INTS9: variants seen among roughly 807,000 people sequenced by gnomAD.
The protein encoded by INTS9 is protein related to CPSF subunits of 74 kDa.
INTS9 carries 55 observed loss-of-function variants against 79.7 expected under a neutral mutation model. The observed-to-expected ratio is 0.69, with a 90% CI of 0.56 to 0.86. INTS9 has a LOEUF of 0.86. Among genes scored for constraint, INTS9 ranks in the 40% least tolerant of loss-of-function variants. INTS9 has a pLI of 0.00. For synonymous variants in INTS9, 319 were observed against 325.2 expected (o/e 0.98, Z 0.20); for missense variants, 721 against 831.5 (o/e 0.87, Z 1.64).
At chr8:28,869,399 T>G (rs1014856341) in intron 1 of INTS9, among the ~76,000 whole-genome samples, 2 of 152,164 alleles carry the variant, frequency 1.3e-5, no homozygotes, top group African/African-American at 4.8e-5. Context: ...TTGTAAACTT[T>G]TCTCTTCTCC....
rs565688456 is a variant in INTS9, at chr8:28,838,967, T to A, written c.262-1191A>T. Among the ~76,000 whole-genome samples, 4 of 152,328 alleles carry A rather than the reference T, an allele frequency of 2.6e-5. No homozygotes were observed. The South Asian group carries it at 8.3e-4, about 32-fold the overall frequency. On this transcript the variant is annotated intron_variant, in intron 4 of 16. Coordinates refer to ENST00000521022, the MANE Select transcript of INTS9 (RefSeq NM_018250.4). ...CTTCTGTTGAAGGAATGCAGCTTTA[T>A]TAGCAGCATGTTCTGGGAGAAGTGA...
chr8:28,835,570 G>C (rs1381838181), intron 5 of INTS9, among the ~76,000 whole-genome samples, 192 bp from the exon 6 acceptor site: 4 of 152,066 alleles, frequency 2.6e-5, no homozygotes, highest in Non-Finnish European at 5.9e-5. Context: ...CTTTCTTATT[G>C]CATTTCCATG....
chr8:28,838,072 G>A (rs1563287361), intron 4 of INTS9, among the ~76,000 whole-genome samples: 6 of 151,758 alleles, frequency 4.0e-5, no homozygotes, highest in Admixed American at 3.3e-4. Context: ...AGGACCCTTC[G>A]GCAGCTGCTG....
rs577543603 is a variant in INTS9 at position 28,783,813 on chromosome 8, T to A, written c.1099-2819A>T. Reference sequence around the variant, plus strand: ...TTTATAAACTATATGGCCAAAATCATTAGTTGTCTCAGTTAAATGGGTGAG... The same window carrying A: ...TTTATAAACTATATGGCCAAAATCAATAGTTGTCTCAGTTAAATGGGTGAG... On this transcript the variant is annotated intron_variant, in intron 11 of 16. Coordinates refer to ENST00000521022, the MANE Select transcript of INTS9 (RefSeq NM_018250.4). 2.0e-5 allele frequency: 3 copies of A among 152,280 alleles called. No individual in the cohort carries two copies. In the East Asian group the frequency reaches 5.8e-4, roughly 29 times the overall value. 9.4% of individuals were successfully genotyped at this position (152,280 alleles called of 1,614,324 possible).
intron 1 of INTS9, among the ~76,000 whole-genome samples, chr8:28,863,501 C>T (rs1808564161): frequency 6.6e-6 from 1 of 152,140 alleles, no homozygotes; most frequent in African/African-American, 2.4e-5. Context: ...GCAGCCTGGG[C>T]GTGGTAGCTC....
intron 6 of INTS9, among the ~76,000 whole-genome samples, chr8:28,828,541 C>T (rs73669456): frequency 6.6e-6 from 1 of 152,118 alleles, no homozygotes; most frequent in African/African-American, 2.4e-5. Flanking sequence ...GCCACAACTA[C>T]CAAGAAACAG....
chr8:28,797,219 T>C (rs924490936), intron 8 of INTS9, among the ~76,000 whole-genome samples: 1 of 152,218 alleles, frequency 6.6e-6, no homozygotes, highest in African/African-American at 2.4e-5. Context: ...GCATACGTTA[T>C]AGAATTTGAT....
chr8:28,800,570 G>A (rs1174103825), intron 8 of INTS9, among the ~76,000 whole-genome samples: 5 of 152,182 alleles, frequency 3.3e-5, no homozygotes, highest in African/African-American at 1.2e-4. Context: ...CAAACAGACA[G>A]AGAACATTTT....
At chr8:28,852,076 G>A (rs1165755670) in intron 2 of INTS9, among the ~76,000 whole-genome samples, 1 of 151,476 alleles carries the variant, frequency 6.6e-6, no homozygotes, top group Non-Finnish European at 1.5e-5. Context: ...AAAACTAGCA[G>A]GCTATGGTGG....
intron 10 of INTS9, among the ~76,000 whole-genome samples, chr8:28,790,451 C>T (rs1803859227): frequency 6.6e-6 from 1 of 152,136 alleles, no homozygotes; most frequent in Admixed American, 6.5e-5. Flanking sequence ...CCTCAGCCTC[C>T]CGAGTAGCTG....
intron 11 of INTS9, 79 bp from the exon 12 acceptor site, chr8:28,781,073 G>T: frequency 8.9e-7 from 1 of 1,121,138 alleles, no homozygotes; most frequent in Non-Finnish European, 1.3e-6. Flanking sequence ...GAGGGTGAGC[G>T]GGACTGGATC....
intron 5 of INTS9, among the ~76,000 whole-genome samples, chr8:28,836,349 CG>C (rs1345192434): frequency 6.6e-6 from 1 of 152,080 alleles, no homozygotes; most frequent in Admixed American, 6.6e-5. Context: ...CAGAGAACTG[CG>C]GGAATTCTTG....
intron 11 of INTS9, among the ~76,000 whole-genome samples, chr8:28,785,296 T>A (rs192673058): frequency 6.6e-6 from 1 of 152,250 alleles, no homozygotes; most frequent in Non-Finnish European, 1.5e-5. Flanking sequence ...TAGTTCTTCA[T>A]AACATTTTCA....
intron 1 of INTS9, among the ~76,000 whole-genome samples, chr8:28,882,906 T>C (rs1809974487): frequency 6.6e-6 from 1 of 152,210 alleles, no homozygotes; most frequent in Non-Finnish European, 1.5e-5. Flanking sequence ...CACAGTAAAG[T>C]TCCCACCACA....
intron 14 of INTS9, among the ~76,000 whole-genome samples, chr8:28,774,444 A>T (rs776280742): frequency 6.6e-6 from 1 of 152,260 alleles, no homozygotes; most frequent in Non-Finnish European, 1.5e-5. Context: ...GGTTTAAGGA[A>T]TGCTGGCTTA....
chr8:28,876,708 G>A (rs1291301505), intron 1 of INTS9, among the ~76,000 whole-genome samples: 1 of 151,954 alleles, frequency 6.6e-6, no homozygotes. Flanking sequence ...AATCTGCAAA[G>A]TTATGCACCT....
intron 4 of INTS9, among the ~76,000 whole-genome samples, chr8:28,839,363 G>C (rs1411372123): frequency 6.6e-6 from 1 of 151,788 alleles, no homozygotes; most frequent in Non-Finnish European, 1.5e-5. Flanking sequence ...TGGCCATACT[G>C]CCCAAGGTAA....
chr8:28,836,662 TG>T (rs1344378829), intron 5 of INTS9, among the ~76,000 whole-genome samples: 1 of 152,238 alleles, frequency 6.6e-6, no homozygotes, highest in East Asian at 1.9e-4. Flanking sequence ...AACAGTTTGG[TG>T]TGCTGATCCT....
At position 28,770,022 on chromosome 8, in the gene INTS9, G is replaced by C. The variant is rs771257510; in HGVS notation, c.1667C>G (p.Pro556Arg). 3 of 1,613,672 alleles carry C rather than the reference G, an allele frequency of 1.9e-6. No homozygotes were observed. Among genetic ancestry groups the C allele is most frequent in the African/African-American group, 2.7e-5 (2 of 74,936 alleles). Residue 556 changes from proline (P) to arginine (R), a missense_variant, in exon 16 of 17, where the codon CCT becomes CGT. By Grantham distance (103) the Pro-to-Arg change is moderately radical. Transcript: ENST00000521022. Reference sequence around the variant, plus strand: ...GCTCGTGGGCTGGGCGGGCCGAGGAGGGGGCTAGAGCAGAAGGAAAGAGTG... The same window carrying C: ...GCTCGTGGGCTGGGCGGGCCGAGGACGGGGCTAGAGCAGAAGGAAAGAGTG... ...TKDNKHLLQP[P>R]PRPAQPTSGK... is the part of the protein sequence containing the mutation.
Sources: gnomAD v4.1 joint callset for allele counts (sites outside exome capture counted in the v4.1 genomes callset) on GRCh38, gnomAD v4.1.1 for gene constraint, MANE v1.5 for transcripts, NCBI Gene and HGNC (gene_info 2026-07-23, HGNC 2026-07-21) for gene names.